The following CELA2B variants were observed in gnomAD, a reference collection of about 807,000 sequenced individuals.
CELA2B encodes the protein chymotrypsin-like elastase family member 2B.
A neutral mutation model predicts 36.5 loss-of-function variants in CELA2B; 27 were observed. The ratio of observed to expected loss-of-function variants is 0.74; its 90% confidence interval spans 0.55 to 1.02. The LOEUF is 1.02. Among genes scored for constraint, CELA2B ranks in the 50% least tolerant of loss-of-function variants. CELA2B has a pLI of 0.00. For missense variants in CELA2B, 340 were observed against 347.8 expected (o/e 0.98, Z 0.18); for synonymous variants, 143 against 148.5 (o/e 0.96, Z 0.27).
chr1:15,484,828 G>T lies in CELA2B; in HGVS notation c.494-1073G>T, dbSNP rs560931750. ...ACTAAAAGAGGTGAAAGGTGGAAAT[G>T]CATCACACATTGCAAAATGTTACAC... On this transcript the variant is annotated intron_variant, in intron 5 of 7. Transcript: ENST00000375910. Among the ~76,000 whole-genome samples the T allele has an allele frequency of 2.5e-3, 383 of 152,248 alleles. 5 individuals carry two copies. The highest frequency in any genetic ancestry group is 8.8e-3 in the African/African-American group (367 of 41,526).
rs150116668 is a variant in CELA2B at position 15,482,277 on chromosome 1, C to G, written c.240C>G (p.Ile80Met). The G allele has an allele frequency of 1.9e-6, 3 of 1,613,990 alleles. No homozygotes were observed. The Admixed American group carries it at 5.0e-5, about 27-fold the overall frequency. ...CCCTTTCTCCCAGCTCCTCCGGGAT[C>G]TACCGCGTGATGCTGGGCCAGCATA... Reference protein sequence around the residue: ...TAAHCISSSGIYRVMLGQHNL... With the variant: ...TAAHCISSSGMYRVMLGQHNL... Residue 80 changes from isoleucine to methionine, a missense_variant, in exon 4 of 8, where the codon ATC becomes ATG. Coordinates refer to ENST00000375910, the MANE Select transcript of CELA2B (RefSeq NM_015849.3).
Position 15,487,382 on chromosome 1 carries a change from A to G in CELA2B, c.737A>G (p.Tyr246Cys). The G allele has an allele frequency of 6.2e-7, 1 of 1,614,198 alleles. No individual in the cohort carries two copies. Among genetic ancestry groups the G allele is most frequent in the Non-Finnish European group, 8.5e-7 (1 of 1,180,036 alleles). Residue 246 changes from tyrosine (Y) to cysteine (C), a missense_variant, in exon 7 of 8, where the codon TAC becomes TGC. Coordinates refer to ENST00000375910, the MANE Select transcript of CELA2B (RefSeq NM_015849.3). Reference protein sequence around the residue: ...SLTSVLGCNYYYKPSIFTRVS... With the variant: ...SLTSVLGCNYCYKPSIFTRVS... ...ACGTCGGTCCTTGGTTGCAACTACT[A>G]CTACAAGCCCTCCATCTTCACGCGG...
intron 6 of CELA2B, 72 bp from the exon 7 acceptor site, chr1:15,487,213 A>T (rs1343748924): frequency 1.4e-6 from 2 of 1,408,704 alleles, no homozygotes; most frequent in African/African-American, 2.8e-5. Context: ...ATAGAAATGC[A>T]TTGAGAACAA....
chr1:15,490,045 T>C (rs1708858189), intron 7 of CELA2B, among the ~76,000 whole-genome samples: 1 of 152,160 alleles, frequency 6.6e-6, no homozygotes, highest in Admixed American at 6.5e-5. Context: ...AACTAATTTT[T>C]GTATTTTTAG....
At chr1:15,491,221 A>G in intron 7 of CELA2B, 74 bp from the exon 8 acceptor site, 2 of 1,587,290 alleles carry the variant, frequency 1.3e-6, no homozygotes, top group South Asian at 1.1e-5. Flanking sequence ...CCAGGAGGAC[A>G]GAGACAGGAA....
chr1:15,481,974 G>A (rs1276109047), intron 3 of CELA2B, among the ~76,000 whole-genome samples: 1 of 151,538 alleles, frequency 6.6e-6, no homozygotes, highest in South Asian at 2.1e-4. Flanking sequence ...AATGACTCCT[G>A]TTTTCTCTGT....
At chr1:15,487,467 G>C (rs1708819964) in intron 7 of CELA2B, 30 bp downstream of exon 7, 4 of 1,612,932 alleles carry the variant, frequency 2.5e-6, no homozygotes, top group Admixed American at 1.7e-5. Context: ...TGAGCCCCAA[G>C]GCACTGACCT....
At chr1:15,490,043 T>A (rs1708858144) in intron 7 of CELA2B, among the ~76,000 whole-genome samples, 1 of 152,074 alleles carries the variant, frequency 6.6e-6, no homozygotes, top group Non-Finnish European at 1.5e-5. Flanking sequence ...CCAACTAATT[T>A]TTGTATTTTT....
At chr1:15,491,011 G>C in intron 7 of CELA2B, 1 of 446,266 alleles carries the variant, frequency 2.2e-6, no homozygotes, top group Non-Finnish European at 4.1e-6. Flanking sequence ...CGCACATTTG[G>C]CATATAATTT....
intron 5 of CELA2B, among the ~76,000 whole-genome samples, chr1:15,485,600 G>A (rs1708794281): frequency 6.6e-6 from 1 of 152,172 alleles, no homozygotes; most frequent in South Asian, 2.1e-4. Flanking sequence ...GAAAATGTCA[G>A]CCATTGACAA....
intron 4 of CELA2B, 96 bp from the exon 5 acceptor site, chr1:15,483,168 G>C: frequency 2.5e-6 from 4 of 1,569,720 alleles, no homozygotes; most frequent in Non-Finnish European, 3.5e-6. Context: ...CTGGGGTAAC[G>C]TACAGGGAAG....
intron 7 of CELA2B, among the ~76,000 whole-genome samples, chr1:15,487,828 T>G (rs1708824458): frequency 6.6e-6 from 1 of 152,218 alleles, no homozygotes; most frequent in African/African-American, 2.4e-5. Context: ...ATAGCATTAA[T>G]TATTGGAAAT....
At chr1:15,480,007 C>A (rs571724938) in intron 2 of CELA2B, among the ~76,000 whole-genome samples, 1 of 152,064 alleles carries the variant, frequency 6.6e-6, no homozygotes, top group East Asian at 1.9e-4. Flanking sequence ...AAAGGGGGAG[C>A]CACTGGAGAG....
chr1:15,483,538 C>G lies in CELA2B; in HGVS notation c.493+138C>G, dbSNP rs1250530663. On this transcript the variant is annotated intron_variant, in intron 5 of 7. Transcript: ENST00000375910. ...GAGACAGGATGGCATAGGCTGATGTCTGCCTGGGTTCAAATGTCAGCTCTC... is the reference window on the plus strand; with the variant it reads ...GAGACAGGATGGCATAGGCTGATGTGTGCCTGGGTTCAAATGTCAGCTCTC... 16 of 1,387,702 alleles carry G rather than the reference C, an allele frequency of 1.2e-5. No individual in the cohort carries two copies. The East Asian group carries it at 3.6e-4, about 31-fold the overall frequency. The allele number at this position is 1,387,702 out of a possible 1,614,324, so 86.0% of individuals were successfully genotyped here. A position where few individuals can be genotyped will look rare whatever the true frequency, so the allele number is the denominator to read the frequency against.
intron 7 of CELA2B, among the ~76,000 whole-genome samples, chr1:15,487,924 G>A (rs1027745633): frequency 3.3e-5 from 5 of 152,236 alleles, no homozygotes; most frequent in South Asian, 2.1e-4. Flanking sequence ...TCCAGGATGC[G>A]GGACTTCCTG....
intron 5 of CELA2B, 31 bp from the exon 6 acceptor site, chr1:15,485,870 T>C (rs1187423926): frequency 3.1e-6 from 5 of 1,612,440 alleles, no homozygotes; most frequent in Non-Finnish European, 4.2e-6. Flanking sequence ...AGTCCCTGCG[T>C]CCCTAATGGC....
chr1:15,482,096 A>G (rs573092791), intron 3 of CELA2B, among the ~76,000 whole-genome samples, 169 bp from the exon 4 acceptor site: 6 of 152,304 alleles, frequency 3.9e-5, no homozygotes, highest in Non-Finnish European at 7.3e-5. Flanking sequence ...TAGTTCTTAC[A>G]TTATATACTT....
intron 5 of CELA2B, among the ~76,000 whole-genome samples, chr1:15,484,086 ATCT>A (rs758621357): frequency 3.3e-5 from 5 of 152,314 alleles, no homozygotes; most frequent in Admixed American, 2.0e-4. Flanking sequence ...ATCATGTGAC[ATCT>A]TCTGTGTGGC....
At chr1:15,483,470 C>A (rs535516211) in intron 5 of CELA2B, 70 bp downstream of exon 5, 2 of 1,605,474 alleles carry the variant, frequency 1.2e-6, no homozygotes, top group Middle Eastern at 1.7e-4. Context: ...CCGGCCAGGG[C>A]CTCTCACCTC....
Sources: gnomAD v4.1 joint callset for allele counts (sites outside exome capture counted in the v4.1 genomes callset) on GRCh38, gnomAD v4.1.1 for gene constraint, MANE v1.5 for transcripts, NCBI Gene and HGNC (gene_info 2026-07-23, HGNC 2026-07-21) for gene names.